The following CENPO variants were observed in gnomAD, a reference collection of about 807,000 sequenced individuals.
CENPO encodes centromere protein O, also known as centromeric protein O.
In CENPO, 30 loss-of-function variants were observed where a neutral mutation model predicts 36.1. The ratio of observed to expected loss-of-function variants is 0.83; its 90% CI spans 0.62 to 1.13. The LOEUF (loss-of-function observed/expected upper bound fraction) is 1.13, where lower values mean the gene tolerates loss of function less well. Ranked by LOEUF, CENPO falls within the 50% of genes most tolerant of loss-of-function variation. CENPO has a pLI of 0.00. For synonymous variants in CENPO, 171 were observed against 142.3 expected (o/e 1.20, Z -1.44); for missense variants, 349 against 357.8 (o/e 0.98, Z 0.20).
At position 24,820,668 on chromosome 2, in the gene CENPO, C is replaced by T. The variant is rs1250086009; in HGVS notation, c.*1350C>T. 3 of 1,607,340 alleles carry T rather than the reference C, an allele frequency of 1.9e-6. No individual in the cohort carries two copies. Among genetic ancestry groups the T allele is most frequent in the African/African-American group, 1.3e-5 (1 of 74,898 alleles). On this transcript the variant is annotated 3_prime_UTR_variant, in exon 8 of 8. Coordinates refer to ENST00000380834, the MANE Select transcript of CENPO (RefSeq NM_001322101.2). ...CAGGGGCACGTGGGAAAGCACTGTT[C>T]CGGTTTTGTTCTCATGCCGAGTCTG... is the stretch of plus-strand genomic sequence containing the variant.
intron 2 of CENPO, among the ~76,000 whole-genome samples, chr2:24,798,831 A>G (rs922927454): frequency 2.0e-5 from 3 of 151,866 alleles, no homozygotes; most frequent in African/African-American, 4.8e-5. Flanking sequence ...TCTTAATTGG[A>G]TAGGTGAATG....
chr2:24,810,942 A>T (rs1385157818), intron 3 of CENPO, among the ~76,000 whole-genome samples: 1 of 150,720 alleles, frequency 6.6e-6, no homozygotes, highest in South Asian at 2.1e-4. Context: ...GTTATTATTT[A>T]TTATTGTTAT....
Position 24,821,399 on chromosome 2 carries a change from G to GAACCTCCCC in CENPO, c.*2083_*2091dup. 6.9e-7 allele frequency: 1 copy of GAACCTCCCC among 1,447,934 alleles called. No individual in the cohort carries two copies. Among genetic ancestry groups the GAACCTCCCC allele is most frequent in the Non-Finnish European group, 9.3e-7 (1 of 1,070,606 alleles). 89.7% of individuals were successfully genotyped at this position (1,447,934 alleles called of 1,614,324 possible). A position where few individuals can be genotyped will look rare whatever the true frequency, so the allele number is the denominator to read the frequency against. On this transcript the variant is annotated 3_prime_UTR_variant, in exon 8 of 8. Transcript: ENST00000380834. ...AGGTCTCCTTGCCCTGTGAGTGCGT[G>GAACCTCCCC]AACCTCCCCACCCGAATTGCCTCAG...
At chr2:24,813,325 C>G (rs1025626434) in intron 3 of CENPO, among the ~76,000 whole-genome samples, 1 of 152,152 alleles carries the variant, frequency 6.6e-6, no homozygotes, top group Non-Finnish European at 1.5e-5. Flanking sequence ...GTTTTTCTGG[C>G]AAGTAGATCG....
chr2:24,794,864 C>G (rs187799267), intron 2 of CENPO, among the ~76,000 whole-genome samples: 43 of 152,290 alleles, frequency 2.8e-4, no homozygotes, highest in Non-Finnish European at 5.7e-4. Flanking sequence ...TTTGGGAAAG[C>G]TTGCCATAAA....
intron 2 of CENPO, among the ~76,000 whole-genome samples, chr2:24,795,123 C>G (rs543081469): frequency 6.6e-6 from 1 of 152,268 alleles, no homozygotes; most frequent in Non-Finnish European, 1.5e-5. Context: ...AACCTGTTCT[C>G]TAGTCCAGGC....
intron 3 of CENPO, among the ~76,000 whole-genome samples, chr2:24,800,274 G>A (rs982630692): frequency 4.6e-5 from 7 of 152,114 alleles, no homozygotes; most frequent in East Asian, 1.9e-4. Flanking sequence ...GTGAGACTCC[G>A]TCTCAAAAAA....
chr2:24,821,522 C>T lies in CENPO; in HGVS notation c.*2204C>T, dbSNP rs750100320. The T allele has an allele frequency of 8.1e-6, 13 of 1,613,868 alleles. No individual in the cohort carries two copies. In the Admixed American group the frequency reaches 1.3e-4, roughly 17 times the overall value. On this transcript the variant is annotated 3_prime_UTR_variant, in exon 8 of 8. Transcript: ENST00000380834. The stretch of plus-strand genomic sequence containing the variant: ...GGCCAGCTGGGGGTGCTCACCTATG[C>T]GCAGCATGAAGTTATTGAAGGACTG...
At position 24,799,829 on chromosome 2, in the gene CENPO, G is replaced by A. The variant is rs750646175; in HGVS notation, c.201G>A (p.Arg67=). Residue 67 remains arginine (R), a synonymous_variant, in exon 3 of 8, where the codon CGG becomes CGA. Transcript: ENST00000380834. Reference sequence around the variant, plus strand: ...GAGATGAGCTGAGGGCTGTGGTGCGGCACCGGCGAGCCAGCGTGAGTAGAA... The same window carrying A: ...GAGATGAGCTGAGGGCTGTGGTGCGACACCGGCGAGCCAGCGTGAGTAGAA... ...RLRDELRAVV[R]HRRASVKACI... is the part of the protein sequence containing the mutation. The A allele has an allele frequency of 4.3e-6, 7 of 1,613,172 alleles. No homozygotes were observed. Among genetic ancestry groups the A allele is most frequent in the Non-Finnish European group, 8.5e-7 (1 of 1,179,928 alleles).
chr2:24,796,824 G>A (rs745741989), intron 2 of CENPO, among the ~76,000 whole-genome samples: 6 of 152,126 alleles, frequency 3.9e-5, no homozygotes, highest in Non-Finnish European at 8.8e-5. Context: ...GATAAGGGGC[G>A]GCTGTGGAAG....
At chr2:24,806,578 T>C (rs1666417363) in intron 3 of CENPO, among the ~76,000 whole-genome samples, 1 of 152,232 alleles carries the variant, frequency 6.6e-6, no homozygotes, top group South Asian at 2.1e-4. Context: ...ATCATATACA[T>C]ATTGGGTATA....
intron 3 of CENPO, among the ~76,000 whole-genome samples, chr2:24,805,201 A>G (rs917754295): frequency 5.3e-5 from 8 of 151,970 alleles, no homozygotes. Flanking sequence ...ACTTCTCTGC[A>G]TTGGTTATTC....
At position 24,819,570 on chromosome 2, in the gene CENPO, G is replaced by A; in HGVS notation, c.*252G>A. 5.7e-6 allele frequency: 1 copy of A among 174,434 alleles called. No homozygotes were observed. The highest frequency in any genetic ancestry group is 1.2e-5 in the Non-Finnish European group (1 of 81,864). 10.8% of individuals were successfully genotyped at this position (174,434 alleles called of 1,614,324 possible). ...TGTCTGAAGTGGAGCTTCCCCGCCT[G>A]TGCTCCCTCCACAGTCCCGGAAAGC... On this transcript the variant is annotated 3_prime_UTR_variant, in exon 8 of 8. Transcript: ENST00000380834.
At chr2:24,802,776 G>A (rs10439487) in intron 3 of CENPO, among the ~76,000 whole-genome samples, 65,377 of 151,906 alleles carry the variant, frequency 0.43, 15,732 homozygotes, top group East Asian at 0.59. Context: ...CAGGGATATT[G>A]GTCTAAAATT....
intron 3 of CENPO, among the ~76,000 whole-genome samples, chr2:24,807,650 G>A (rs1666480774): frequency 6.6e-6 from 1 of 152,100 alleles, no homozygotes; most frequent in African/African-American, 2.4e-5. Flanking sequence ...TTATATATTG[G>A]GTATATGCCT....
In CENPO at chr2:24,817,705, C is replaced by A. The variant is rs750447568; in HGVS notation, c.802C>A (p.Arg268=). The A allele has an allele frequency of 6.2e-7, 1 of 1,614,158 alleles. No individual in the cohort carries two copies. The highest frequency in any genetic ancestry group is 1.3e-5 in the African/African-American group (1 of 75,018). The part of the protein sequence containing the change: ...EVLSTSWEEQ[R]ASHETLFCTK... ...ATTATCCACTTCATGGGAGGAGCAACGAGCATCTCATGAAACTCTGTTCTG... is the reference window on the plus strand; with the variant it reads ...ATTATCCACTTCATGGGAGGAGCAAAGAGCATCTCATGAAACTCTGTTCTG... The change falls in exon 7 of 8, where the codon CGA becomes AGA. Residue 268 remains arginine, a synonymous_variant. Coordinates refer to ENST00000380834, the MANE Select transcript of CENPO (RefSeq NM_001322101.2).
In CENPO at chr2:24,819,998, A is replaced by G. The variant is rs764652235; in HGVS notation, c.*680A>G. 74 of 1,613,004 alleles carry G rather than the reference A, an allele frequency of 4.6e-5. 1 individual carries two copies. In the South Asian group the frequency reaches 7.8e-4, roughly 17 times the overall value. On this transcript the variant is annotated 3_prime_UTR_variant, in exon 8 of 8. Transcript: ENST00000380834. ...GGCCATTGGGGAAGGTGGCTAGCTTATCCCGCCCCTTCAAGAAGAAGGTCA... is the reference window on the plus strand; with the variant it reads ...GGCCATTGGGGAAGGTGGCTAGCTTGTCCCGCCCCTTCAAGAAGAAGGTCA...
At position 24,793,714 on chromosome 2, in the gene CENPO, G is replaced by C. The variant is rs1225293390; in HGVS notation, c.-68-138G>C. The C allele has an allele frequency of 3.1e-6, 3 of 966,446 alleles. No homozygotes were observed. The Admixed American group carries it at 7.1e-5, about 23-fold the overall frequency. The allele number at this position is 966,446 out of a possible 1,614,324, so 59.9% of individuals were successfully genotyped here. On this transcript the variant is annotated intron_variant, in intron 1 of 7. Transcript: ENST00000380834. ...GCTCGGACGATGGGAGAGGGCGGGC[G>C]GCTCAGGAAAGGGGATCCTAGCCGT...
chr2:24,796,819 G>C (rs1306254224), intron 2 of CENPO, among the ~76,000 whole-genome samples: 1 of 152,164 alleles, frequency 6.6e-6, no homozygotes, highest in Non-Finnish European at 1.5e-5. Flanking sequence ...AGGTGGATAA[G>C]GGGCGGCTGT....
Sources: gnomAD v4.1 joint callset for allele counts (sites outside exome capture counted in the v4.1 genomes callset) on GRCh38, gnomAD v4.1.1 for gene constraint, MANE v1.5 for transcripts, NCBI Gene and HGNC (gene_info 2026-07-23, HGNC 2026-07-21) for gene names.